The following TRPA1 variants were observed in gnomAD, a reference collection of about 807,000 sequenced individuals.
The protein encoded by TRPA1 is ankyrin-like with transmembrane domains 1.
A neutral mutation model predicts 131.3 loss-of-function variants in TRPA1; 129 were observed. The observed-to-expected ratio is 0.98, with a 90% CI of 0.85 to 1.14. TRPA1 has a LOEUF of 1.14. Ranked by LOEUF, TRPA1 falls within the 50% of genes most tolerant of loss-of-function variation. The pLI is 0.00. For missense variants in TRPA1, 1,304 were observed against 1,354.2 expected (o/e 0.96, Z 0.58); for synonymous variants, 441 against 451.7 (o/e 0.98, Z 0.30).
intron 15 of TRPA1, 66 bp downstream of exon 15, chr8:72,050,712 A>G (rs551822751): frequency 7.9e-6 from 8 of 1,016,732 alleles, no homozygotes; most frequent in African/African-American, 1.6e-5. Context: ...TATTATTATT[A>G]GGTTGTGATT....
In TRPA1 at chr8:72,057,019, TA is replaced by T. The variant is rs751559676; in HGVS notation, c.1094-3del. The T allele has an allele frequency of 2.6e-4, 411 of 1,561,812 alleles. No individual in the cohort carries two copies. Among genetic ancestry groups the T allele is most frequent in the African/African-American group, 6.7e-4 (49 of 72,792 alleles). ...TATCTTTTATGTCTACTTGGGCACC[TA>T]AAAAAAAACACTATGTAAATATAAA... On this transcript the variant is annotated splice_polypyrimidine_tract_variant and splice_region_variant and intron_variant, in intron 9 of 26. Transcript: ENST00000262209.
chr8:72,029,694 G>C (rs1161224267), intron 24 of TRPA1: 1 of 655,788 alleles, frequency 1.5e-6, no homozygotes, highest in East Asian at 2.7e-5. Flanking sequence ...GTATTCTCCT[G>C]GGATGCCGGG....
chr8:72,065,626 AGAGTTT>A, intron 3 of TRPA1, 68 bp from the exon 4 acceptor site: 1 of 1,138,150 alleles, frequency 8.8e-7, no homozygotes, highest in Non-Finnish European at 1.3e-6. Context: ...GCCTTCCACT[AGAGTTT>A]AAGTTTTCAA....
chr8:72,078,510 G>A (rs1245501753), upstream of TRPA1, among the ~76,000 whole-genome samples: 1 of 152,046 alleles, frequency 6.6e-6, no homozygotes, highest in African/African-American at 2.4e-5. Context: ...CATACACTAT[G>A]TAATATTTAG....
At position 72,034,285 on chromosome 8, in the gene TRPA1, G is replaced by T; in HGVS notation, c.2648C>A (p.Ala883Asp). 2 of 1,608,028 alleles carry T rather than the reference G, an allele frequency of 1.2e-6. No homozygotes were observed. Among genetic ancestry groups the T allele is most frequent in the South Asian group, 2.2e-5 (2 of 89,372 alleles). ...GAGGATGTAAAAGCTGAGTCCAAAA[G>T]CCAGAAGAAGGAAGATAAATACAAC... The part of the protein sequence containing the change: ...STVVFIFLLL[A>D]FGLSFYILLN... Residue 883 changes from alanine (A) to aspartate (D), a missense_variant, in exon 22 of 27, where the codon GCT becomes GAT. Physicochemically the swap from Ala to Asp is moderately radical, Grantham distance 126. Coordinates refer to ENST00000262209, the MANE Select transcript of TRPA1 (RefSeq NM_007332.3).
Position 72,022,916 on chromosome 8 carries a change from A to T in TRPA1, c.3350T>A (p.Leu1117His). 1 of 1,613,704 alleles carries T rather than the reference A, an allele frequency of 6.2e-7. No homozygotes were observed. Among genetic ancestry groups the T allele is most frequent in the Non-Finnish European group, 8.5e-7 (1 of 1,179,766 alleles). ...TGAAGGTCTGAGGAGCTAAGGCTCA[A>T]GATGGTGTGTTTTTGCCTTGACTGC... Reference protein sequence around the residue: ...LRAVKAKTHHLEP With the variant: ...LRAVKAKTHHHEP The change falls in exon 27 of 27, where the codon CTT (leucine) becomes CAT (histidine). Residue 1117 changes from leucine (L) to histidine (H), a missense_variant. By Grantham distance (99) the Leu-to-His change is moderately conservative. Transcript: ENST00000262209.
chr8:72,023,782 T>C (rs899491866), intron 26 of TRPA1, 32 bp downstream of exon 26: 2 of 1,245,148 alleles, frequency 1.6e-6, no homozygotes, highest in Admixed American at 1.7e-5. Flanking sequence ...GTTTTAAATT[T>C]CTCAAGTACA....
Position 72,054,878 on chromosome 8 carries a change from A to G in TRPA1, c.1529+558T>C, listed in dbSNP as rs557082744. The G allele has an allele frequency of 3.3e-5, 5 of 152,618 alleles. No individual in the cohort carries two copies. In the East Asian group the frequency reaches 9.6e-4, roughly 29 times the overall value. 9.5% of individuals were successfully genotyped at this position (152,618 alleles called of 1,614,324 possible). The stretch of plus-strand genomic sequence containing the variant: ...ACAATATCATTTAATTATGCCACAT[A>G]TTTTATTATACTTACATATTTTAAC... On this transcript the variant is annotated intron_variant, in intron 12 of 26. Transcript: ENST00000262209.
chr8:72,043,689 GT>G (rs1277674590), intron 17 of TRPA1, among the ~76,000 whole-genome samples: 1 of 151,638 alleles, frequency 6.6e-6, no homozygotes, highest in Non-Finnish European at 1.5e-5. Context: ...TGGAATTTCT[GT>G]TTTTAGCTTC....
chr8:72,061,828 C>A, intron 6 of TRPA1, 67 bp from the exon 7 acceptor site: 1 of 1,526,802 alleles, frequency 6.5e-7, no homozygotes, highest in Non-Finnish European at 9.0e-7. Flanking sequence ...TTATATTCAG[C>A]TGTGAGCTTT....
intron 2 of TRPA1, among the ~76,000 whole-genome samples, chr8:72,069,436 A>C (rs1806006595): frequency 1.3e-5 from 2 of 152,230 alleles, no homozygotes; most frequent in Non-Finnish European, 2.9e-5. Flanking sequence ...GGTAGCATTA[A>C]TAAGAAATAG....
At chr8:72,044,246 G>C (rs1812352883) in intron 17 of TRPA1, among the ~76,000 whole-genome samples, 2 of 149,098 alleles carry the variant, frequency 1.3e-5, no homozygotes, top group Non-Finnish European at 3.0e-5. Context: ...TATTGTTTTT[G>C]AGACCTCATC....
intron 24 of TRPA1, among the ~76,000 whole-genome samples, chr8:72,029,563 C>A (rs1214019319): frequency 1.3e-5 from 2 of 152,156 alleles, no homozygotes; most frequent in East Asian, 1.9e-4. Flanking sequence ...GCAGACAATA[C>A]CTAACTTAGG....
At chr8:72,065,429 C>T in intron 4 of TRPA1, 22 bp downstream of exon 4, 4 of 1,545,054 alleles carry the variant, frequency 2.6e-6, no homozygotes, top group Non-Finnish European at 3.6e-6. Context: ...AGAAAGCAGA[C>T]AGATATGACA....
At position 72,075,517 on chromosome 8, in the gene TRPA1, A is replaced by C. The variant is rs2129437100; in HGVS notation, c.-108T>G. The C allele has an allele frequency of 7.8e-6, 7 of 899,002 alleles. No homozygotes were observed. The East Asian group carries it at 1.5e-4, about 19-fold the overall frequency. The allele number at this position is 899,002 out of a possible 1,614,324, so 55.7% of individuals were successfully genotyped here. A position where few individuals can be genotyped will look rare whatever the true frequency, so the allele number is the denominator to read the frequency against. On this transcript the variant is annotated 5_prime_UTR_variant, in exon 1 of 27. Coordinates refer to ENST00000262209, the MANE Select transcript of TRPA1 (RefSeq NM_007332.3). ...AGGCGCTGGGGTCCGCGCGAGCCCG[A>C]GCTCTCCCGCGCTGCAGCTCACAGG...
intron 9 of TRPA1, among the ~76,000 whole-genome samples, 178 bp from the exon 10 acceptor site, chr8:72,057,195 C>T: frequency 6.6e-6 from 1 of 151,772 alleles, no homozygotes; most frequent in East Asian, 1.9e-4. Context: ...AACTTACTCT[C>T]TGTGTGTGTG....
At chr8:72,074,917 A>G (rs1208428813) in intron 1 of TRPA1, among the ~76,000 whole-genome samples, 1 of 152,228 alleles carries the variant, frequency 6.6e-6, no homozygotes, top group East Asian at 1.9e-4. Flanking sequence ...AACGACTACC[A>G]GATACAGTCA....
chr8:72,037,183 C>T (rs1445791774), intron 20 of TRPA1, among the ~76,000 whole-genome samples: 4 of 152,010 alleles, frequency 2.6e-5, no homozygotes, highest in Non-Finnish European at 4.4e-5. Flanking sequence ...AAAGTACTTG[C>T]AATGTATAAT....
chr8:72,028,587 C>T (rs922665610), intron 24 of TRPA1, among the ~76,000 whole-genome samples: 3 of 152,184 alleles, frequency 2.0e-5, no homozygotes, highest in Admixed American at 6.5e-5. Flanking sequence ...GTGTTCCAAT[C>T]GCTCTGTGTC....
Sources: allele counts gnomAD v4.1 joint callset (sites outside exome capture counted in the v4.1 genomes callset), GRCh38; gene constraint gnomAD v4.1.1; transcripts MANE v1.5; gene names NCBI Gene and HGNC (gene_info 2026-07-23, HGNC 2026-07-21).